The following AHDC1 variants were observed in gnomAD, a reference collection of about 807,000 sequenced individuals.
The protein encoded by AHDC1 is transcription factor Gibbin.
AHDC1 carries 7 observed loss-of-function variants against 87.9 expected under a neutral mutation model. The observed-to-expected ratio is 0.08, with a 90% CI of 0.05 to 0.15. The LOEUF (loss-of-function observed/expected upper bound fraction) is 0.15, where lower values mean the gene tolerates loss of function less well. Among genes scored for constraint, AHDC1 ranks in the 10% least tolerant of loss-of-function variants. AHDC1 has a pLI of 1.00. For missense variants in AHDC1, 1,841 were observed against 2,253.2 expected (o/e 0.82, Z 3.70); for synonymous variants, 1,051 against 1,006.8 (o/e 1.04, Z -0.83).
chr1:27,557,957 T>A (rs2019900919), intron 5 of AHDC1, among the ~76,000 whole-genome samples: 1 of 152,186 alleles, frequency 6.6e-6, no homozygotes, highest in Non-Finnish European at 1.5e-5. Context: ...TACATTCGGA[T>A]ACACACAGCC....
intron 3 of AHDC1, among the ~76,000 whole-genome samples, chr1:27,581,354 T>A (rs575008358): frequency 2.8e-4 from 43 of 151,736 alleles, no homozygotes; most frequent in East Asian, 1.5e-3. Context: ...TTAAAAAAAA[T>A]TTTTCTGGAG....
At chr1:27,581,482 G>A (rs1371617880) in intron 3 of AHDC1, among the ~76,000 whole-genome samples, 2 of 151,498 alleles carry the variant, frequency 1.3e-5, no homozygotes, top group East Asian at 3.9e-4. Flanking sequence ...GAAAATAGAG[G>A]TGTGTAATAA....
At chr1:27,539,188 G>A (rs112775936) in intron 8 of AHDC1, among the ~76,000 whole-genome samples, 4,162 of 143,930 alleles carry the variant, frequency 0.029, 195 homozygotes, top group African/African-American at 0.1. Flanking sequence ...CACCCAGGCT[G>A]CAGTGCAGTG....
At chr1:27,567,390 CGGGAGGGGGGCT>C (rs1019255657) in intron 3 of AHDC1, among the ~76,000 whole-genome samples, 3 of 150,836 alleles carry the variant, frequency 2.0e-5, no homozygotes, top group African/African-American at 7.3e-5. Context: ...GTCGGGGGGC[CGGGAGGGGGGCT>C]GAGGTCTGCA....
At chr1:27,602,983 C>T (rs1305114547) in intron 3 of AHDC1, among the ~76,000 whole-genome samples, 1 of 120,904 alleles carries the variant, frequency 8.3e-6, no homozygotes, top group Non-Finnish European at 1.7e-5. Flanking sequence ...GTCCCCCCTT[C>T]ATTCCCCCCC....
chr1:27,568,981 C>T (rs1253690770), intron 3 of AHDC1, among the ~76,000 whole-genome samples: 1 of 152,072 alleles, frequency 6.6e-6, no homozygotes, highest in Non-Finnish European at 1.5e-5. Context: ...GGGTGGGGCG[C>T]GGGGGGCTGG....
At chr1:27,545,705 A>T (rs913162625) in intron 8 of AHDC1, among the ~76,000 whole-genome samples, 1 of 151,952 alleles carries the variant, frequency 6.6e-6, no homozygotes, top group Non-Finnish European at 1.5e-5. Context: ...AGGCCATTTT[A>T]ATCTTGGCCT....
chr1:27,574,621 G>A (rs531182287), intron 3 of AHDC1, among the ~76,000 whole-genome samples: 77 of 152,300 alleles, frequency 5.1e-4, no homozygotes, highest in South Asian at 2.7e-3. Flanking sequence ...GGTGGGGGCA[G>A]GAAACAGAAC....
rs1457757967 is a variant in AHDC1 at position 27,549,932 on chromosome 1, C to G, written c.2184G>C (p.Arg728=). 1 of 1,613,398 alleles carries G rather than the reference C, an allele frequency of 6.2e-7. No individual in the cohort carries two copies. The highest frequency in any genetic ancestry group is 1.3e-5 in the African/African-American group (1 of 74,914). The change falls in exon 8 of 9, where the codon CGG becomes CGC. Residue 728 remains arginine, a synonymous_variant. Transcript: ENST00000673934. ...TELGHPRKRG[R]GEVDAVTGKP... is the part of the protein sequence containing the mutation. ...TCCCAGTCACAGCGTCTACCTCCCC[C>G]CGGCCCCGTTTGCGTGGGTGCCCCA...
At chr1:27,567,321 C>T (rs569129162) in intron 3 of AHDC1, among the ~76,000 whole-genome samples, 5 of 152,252 alleles carry the variant, frequency 3.3e-5, no homozygotes, top group East Asian at 1.9e-4. Context: ...GCGGGGCGCC[C>T]GCTCCTCCAA....
At position 27,548,841 on chromosome 1, in the gene AHDC1, AAGG is replaced by A. The variant is rs530256606; in HGVS notation, c.3272_3274del (p.Ser1091del). On this transcript the variant is annotated inframe_deletion, in exon 8 of 9. Coordinates refer to ENST00000673934, the MANE Select transcript of AHDC1 (RefSeq NM_001371928.1). ...CCGACAGTTCTCGGGCGAGGGCTGGAAGGAGGAGGAGGAGGAGGAGGCGGCAGA... is the reference window on the plus strand; with the variant it reads ...CCGACAGTTCTCGGGCGAGGGCTGGAAGGAGGAGGAGGAGGAGGCGGCAGA... 766 of 1,604,666 alleles carry A rather than the reference AAGG, an allele frequency of 4.8e-4. No individual in the cohort carries two copies. In the African/African-American group the frequency reaches 5.1e-3, roughly 11 times the overall value.
In AHDC1 at chr1:27,562,457, C is replaced by T. The variant is rs2020134598; in HGVS notation, c.-628-3574G>A. 6.6e-6 allele frequency among the ~76,000 whole-genome samples: 1 copy of T among 152,158 alleles called. No individual in the cohort carries two copies. Among genetic ancestry groups the T allele is most frequent in the Non-Finnish European group, 1.5e-5 (1 of 68,010 alleles). On this transcript the variant is annotated intron_variant, in intron 3 of 8. Coordinates refer to ENST00000673934, the MANE Select transcript of AHDC1 (RefSeq NM_001371928.1). The surrounding 1 kb of genome is among the most constrained non-coding windows in gnomAD (Gnocchi z 4.4). ...AGGCAGGAAATAGGGTCCCCAGGCCCTCAGGGACACAGCCCCCTGCCTCCC... is the reference window on the plus strand; with the variant it reads ...AGGCAGGAAATAGGGTCCCCAGGCCTTCAGGGACACAGCCCCCTGCCTCCC...
rs2020194879 is a variant in AHDC1 at position 27,563,594 on chromosome 1, C to T, written c.-628-4711G>A. On this transcript the variant is annotated intron_variant, in intron 3 of 8. Transcript: ENST00000673934. The surrounding 1 kb of genome is among the most constrained non-coding windows in gnomAD (Gnocchi z 6.1). Reference sequence around the variant, plus strand: ...CTGGGTGGTGCCGTCCCTCTGCCTGCAGAGGCGTCACAGCTCACACGGCAT... The same window carrying T: ...CTGGGTGGTGCCGTCCCTCTGCCTGTAGAGGCGTCACAGCTCACACGGCAT... 1.3e-5 allele frequency among the ~76,000 whole-genome samples: 2 copies of T among 152,198 alleles called. No homozygotes were observed.
intron 3 of AHDC1, among the ~76,000 whole-genome samples, chr1:27,578,504 G>C (rs985018347): frequency 3.3e-5 from 5 of 151,700 alleles, no homozygotes; most frequent in Non-Finnish European, 5.9e-5. Context: ...CAGGAGAATC[G>C]CTTCAACTCG....
At chr1:27,591,903 G>A (rs1264680461) in intron 3 of AHDC1, among the ~76,000 whole-genome samples, 2 of 152,198 alleles carry the variant, frequency 1.3e-5, no homozygotes, top group African/African-American at 4.8e-5. Flanking sequence ...CTTGAACAAT[G>A]GTAGCGATCA....
At chr1:27,541,722 C>T (rs759549364) in intron 8 of AHDC1, among the ~76,000 whole-genome samples, 3 of 151,096 alleles carry the variant, frequency 2.0e-5, no homozygotes, top group African/African-American at 4.9e-5. Context: ...CTCCGCCTCC[C>T]GGGATCAAGC....
At chr1:27,583,521 G>A (rs2148446391) in intron 3 of AHDC1, among the ~76,000 whole-genome samples, 1 of 152,276 alleles carries the variant, frequency 6.6e-6, no homozygotes, top group East Asian at 1.9e-4. Flanking sequence ...TTCTCTAATT[G>A]TTTCCTGAAG....
intron 3 of AHDC1, among the ~76,000 whole-genome samples, chr1:27,588,670 G>A (rs895672081): frequency 2.0e-5 from 3 of 152,206 alleles, no homozygotes; most frequent in Non-Finnish European, 4.4e-5. Context: ...CTCAGTGTGT[G>A]TGTGTGCACA....
At chr1:27,571,803 G>T (rs1181230957) in intron 3 of AHDC1, among the ~76,000 whole-genome samples, 2 of 152,170 alleles carry the variant, frequency 1.3e-5, no homozygotes, top group Admixed American at 6.5e-5. Flanking sequence ...TTTGCAGGGA[G>T]CGGGGTAACC....
Sources: allele counts gnomAD v4.1 joint callset (sites outside exome capture counted in the v4.1 genomes callset), GRCh38; gene constraint gnomAD v4.1.1; non-coding constraint Gnocchi (gnomAD v3.1); transcripts MANE v1.5; gene names NCBI Gene and HGNC (gene_info 2026-07-23, HGNC 2026-07-21).